Variants in ZNF454 observed in about 807,000 individuals in gnomAD.
ZNF454 encodes zinc finger protein 454.
Under a neutral mutation model 48.2 loss-of-function variants are expected in ZNF454, and 30 were observed. That is an observed-to-expected ratio of 0.62 (90% confidence interval 0.47 to 0.84). ZNF454 has a LOEUF of 0.84. ZNF454 is among the 40% of genes least tolerant of loss of function. The pLI is 0.00. For missense variants in ZNF454, 510 were observed against 623.1 expected, an observed-to-expected ratio of 0.82 and a Z score of 1.93; for synonymous variants, 204 against 211.4, an observed-to-expected ratio of 0.97 and a Z score of 0.30.
downstream of ZNF454, chr5:178,969,536 A>T: frequency 2.2e-6 from 1 of 457,014 alleles, no homozygotes; most frequent in Non-Finnish European, 4.4e-6. Flanking sequence ...TCAGGGACAG[A>T]CTTGGCCACC....
At chr5:178,989,468 C>G in the ZNF454 span, 1 of 1,604,576 alleles carries the variant, frequency 6.2e-7, no homozygotes, top group Non-Finnish European at 8.5e-7. Flanking sequence ...TCTCCTGTGT[C>G]TCTCTGCCAC....
At chr5:178,963,545 G>A (rs1760058275) in intron 4 of ZNF454, among the ~76,000 whole-genome samples, 1 of 151,626 alleles carries the variant, frequency 6.6e-6, no homozygotes, top group South Asian at 2.1e-4. Flanking sequence ...GTTCTTGATG[G>A]GATTTCTCGT....
chr5:178,957,833 G>A (rs1213057315), intron 4 of ZNF454, among the ~76,000 whole-genome samples: 1 of 152,114 alleles, frequency 6.6e-6, no homozygotes, highest in Non-Finnish European at 1.5e-5. Flanking sequence ...GTCAAACCGG[G>A]ATGCATTTGA....
At chr5:178,986,556 G>C in the ZNF454 span, 1 of 1,607,758 alleles carries the variant, frequency 6.2e-7, no homozygotes, top group South Asian at 1.1e-5. Flanking sequence ...CCGTGTGGTT[G>C]GGCGTGGGCC....
chr5:178,962,961 C>T lies in ZNF454; in HGVS notation c.251-1694C>T, dbSNP rs189651198. ...ACTAGTTTTGTAGCCCTGCAGGAGTCCCGGCTGAGAGCTTCACATGTTATT... is the reference window on the plus strand; with the variant it reads ...ACTAGTTTTGTAGCCCTGCAGGAGTTCCGGCTGAGAGCTTCACATGTTATT... On this transcript the variant is annotated intron_variant, in intron 4 of 4. Transcript: ENST00000519564. Among the ~76,000 whole-genome samples, 118 of 151,842 alleles carry T rather than the reference C, an allele frequency of 7.8e-4. 2 individuals are homozygous for T. The highest frequency in any genetic ancestry group is 8.4e-4 in the Non-Finnish European group (57 of 68,024).
chr5:178,989,872 C>CCTG, the ZNF454 span: 1 of 256,034 alleles, frequency 3.9e-6, no homozygotes, highest in Non-Finnish European at 7.7e-6. Context: ...GAGCCCAGGG[C>CCTG]TTTGAGAGCG....
rs1204291082 is a variant in ZNF454, at chr5:178,964,804, G to C, written c.400G>C (p.Glu134Gln). ...GCTGGAGTGGCAATGTGGAGGCCAG[G>C]AGATCAGTTTGCAGCGAGTGGTACT... ...SLLEWQCGGQ[E>Q]ISLQRVVLTH... The change falls in exon 5 of 5, where the codon GAG (glutamate) becomes CAG (glutamine). Residue 134 changes from glutamate (E) to glutamine (Q), a missense_variant. By Grantham distance (29) the Glu-to-Gln change is conservative. Around this residue, in one of 3 missense-constraint regions of ZNF454, gnomAD observed 354 missense variants for 408.9 expected, o/e 0.87. Coordinates refer to ENST00000519564, the MANE Select transcript of ZNF454 (RefSeq NM_001178089.3). The C allele has an allele frequency of 6.8e-6, 11 of 1,614,050 alleles. No individual in the cohort carries two copies. The highest frequency in any genetic ancestry group is 9.3e-6 in the Non-Finnish European group (11 of 1,180,038).
Position 178,959,852 on chromosome 5 carries a change from G to A in ZNF454, c.251-4803G>A, listed in dbSNP as rs189730325. Among the ~76,000 whole-genome samples the A allele has an allele frequency of 1.6e-3, 249 of 151,790 alleles. 1 individual carries two copies. Among genetic ancestry groups the A allele is most frequent in the Admixed American group, 4.9e-3 (75 of 15,200 alleles). On this transcript the variant is annotated intron_variant, in intron 4 of 4. Transcript: ENST00000519564. Reference sequence around the variant, plus strand: ...GATCTCCTGACCTCGTGATCCACCCGCCTCGGCCTCCCAAAGTGCTGGGAT... The same window carrying A: ...GATCTCCTGACCTCGTGATCCACCCACCTCGGCCTCCCAAAGTGCTGGGAT...
the ZNF454 span, among the ~76,000 whole-genome samples, chr5:178,984,921 C>G: frequency 6.6e-6 from 1 of 152,166 alleles, no homozygotes; most frequent in Non-Finnish European, 1.5e-5. Context: ...CCAGGTCACC[C>G]TCCCCAAGCC....
the ZNF454 span, chr5:178,982,939 A>G: frequency 6.2e-7 from 1 of 1,613,960 alleles, no homozygotes; most frequent in African/African-American, 1.3e-5. Flanking sequence ...GTGCCAAAGA[A>G]GATGGGCACG....
chr5:178,977,395 G>C, the ZNF454 span: 2 of 455,778 alleles, frequency 4.4e-6, no homozygotes, highest in Admixed American at 2.4e-5. Context: ...CAAGCAGGCA[G>C]CCCTCACCAA....
chr5:178,952,100 C>G (rs1203386719), intron 4 of ZNF454, among the ~76,000 whole-genome samples: 2 of 150,208 alleles, frequency 1.3e-5, no homozygotes, highest in Non-Finnish European at 1.5e-5. Flanking sequence ...TGCTGTGGCG[C>G]GATCTCGGCT....
intron 4 of ZNF454, among the ~76,000 whole-genome samples, chr5:178,949,607 C>CT (rs969114292): frequency 1.5e-4 from 23 of 151,068 alleles, no homozygotes; most frequent in African/African-American, 3.7e-4. Context: ...GTTTCATTTC[C>CT]TTTTTTTTGT....
At chr5:178,981,619 A>G in the ZNF454 span, 5 of 1,501,524 alleles carry the variant, frequency 3.3e-6, no homozygotes, top group South Asian at 1.1e-5. The surrounding 1 kb of genome is among the most constrained non-coding windows in gnomAD (Gnocchi z 5.1). Flanking sequence ...AGAGGAAGAA[A>G]GGAGAGGCAG....
In ZNF454 at chr5:178,965,246, T is replaced by C; in HGVS notation, c.842T>C (p.Phe281Ser). The change falls in exon 5 of 5, where the codon TTT becomes TCT. Residue 281 changes from phenylalanine (F) to serine (S), a missense_variant. Phe to Ser is a radical substitution (Grantham distance 155, BLOSUM62 -2). Around this residue, in one of 3 missense-constraint regions of ZNF454, gnomAD observed 354 missense variants for 408.9 expected, o/e 0.87. Coordinates refer to ENST00000519564, the MANE Select transcript of ZNF454 (RefSeq NM_001178089.3). This position sits in a 1 kb window ranked among gnomAD's most constrained non-coding sequence, Gnocchi z 5.2. ...GAATGCAACTTATGTGGAAAAGCTT[T>C]TATCCGAAATATACACCTTGCCCAT... ...PFECNLCGKA[F>S]IRNIHLAHHH... 6.2e-7 allele frequency: 1 copy of C among 1,614,192 alleles called. No individual in the cohort carries two copies. The highest frequency in any genetic ancestry group is 8.5e-7 in the Non-Finnish European group (1 of 1,180,040).
the ZNF454 span, chr5:178,981,764 T>C: frequency 6.2e-7 from 1 of 1,613,486 alleles, no homozygotes; most frequent in Non-Finnish European, 8.5e-7. The surrounding 1 kb of genome is among the most constrained non-coding windows in gnomAD (Gnocchi z 5.1). Flanking sequence ...TGGAAGAGGA[T>C]GACGTAGGTT....
chr5:178,953,535 C>T (rs1377458777), intron 4 of ZNF454, among the ~76,000 whole-genome samples: 1 of 152,142 alleles, frequency 6.6e-6, no homozygotes, highest in Non-Finnish European at 1.5e-5. Flanking sequence ...CTACGCTGTT[C>T]ACTGTGTCTC....
At chr5:178,977,537 A>G in the ZNF454 span, 1 of 258,802 alleles carries the variant, frequency 3.9e-6, no homozygotes, top group South Asian at 3.5e-5. Context: ...TCCACAAATG[A>G]AGTGATGAGG....
At chr5:178,970,059 C>T (rs1211126860), downstream of ZNF454, among the ~76,000 whole-genome samples, 1 of 152,244 alleles carries the variant, frequency 6.6e-6, no homozygotes, top group East Asian at 1.9e-4. Context: ...TCTAGAACAG[C>T]ATTTGTCCCT....
Sources: gnomAD v4.1 joint callset for allele counts (sites outside exome capture counted in the v4.1 genomes callset) on GRCh38, gnomAD v4.1.1 for gene constraint, gnomAD v4.1.1 regional missense constraint, Gnocchi (gnomAD v3.1) non-coding constraint, MANE v1.5 for transcripts, NCBI Gene and HGNC (gene_info 2026-07-23, HGNC 2026-07-21) for gene names.